Variants in FMN1 observed in about 807,000 individuals in gnomAD.
FMN1 encodes formin-1.
In FMN1, 110 loss-of-function variants were observed where a neutral mutation model predicts 132.4. The ratio of observed to expected loss-of-function variants is 0.83; its 90% CI spans 0.71 to 0.97. The LOEUF (loss-of-function observed/expected upper bound fraction) is 0.97. Ranked by LOEUF, FMN1 falls within the 50% of genes least tolerant of loss-of-function variation. FMN1 has a pLI of 0.00. For missense variants in FMN1, 1,792 were observed against 1,705.3 expected, an observed-to-expected ratio of 1.05 and a Z score of -0.90; for synonymous variants, 722 against 651.7, an observed-to-expected ratio of 1.11 and a Z score of -1.64.
At chr15:32,931,726 C>T (rs1218515190) in intron 9 of FMN1, among the ~76,000 whole-genome samples, 5 of 152,186 alleles carry the variant, frequency 3.3e-5, no homozygotes, top group Non-Finnish European at 7.3e-5. Flanking sequence ...TGACTTTCAG[C>T]ACTATGTTGA....
chr15:33,107,683 G>A (rs376197608), intron 4 of FMN1, among the ~76,000 whole-genome samples: 1 of 152,030 alleles, frequency 6.6e-6, no homozygotes, highest in Non-Finnish European at 1.5e-5. Flanking sequence ...CGAGCAGAAA[G>A]GCTTTCTTGT....
chr15:33,106,059 G>C (rs1426845345), intron 4 of FMN1: 1 of 152,184 alleles, frequency 6.6e-6, no homozygotes, highest in East Asian at 1.9e-4. Flanking sequence ...AGTACATAAG[G>C]GGAGGCTCTG....
chr15:33,054,876 G>A (rs1310916061), intron 6 of FMN1, among the ~76,000 whole-genome samples: 3 of 152,182 alleles, frequency 2.0e-5, no homozygotes, highest in Non-Finnish European at 4.4e-5. Flanking sequence ...ACAAAGAGCT[G>A]AGAGTAACCA....
intron 16 of FMN1, among the ~76,000 whole-genome samples, chr15:32,878,252 G>A (rs529023993): frequency 2.8e-4 from 43 of 152,318 alleles, no homozygotes; most frequent in African/African-American, 9.6e-4. Context: ...TAGTGGGCAG[G>A]AGGGGTGAGT....
At chr15:32,989,183 A>C (rs1052099385) in intron 7 of FMN1, among the ~76,000 whole-genome samples, 1 of 152,164 alleles carries the variant, frequency 6.6e-6, no homozygotes, top group Non-Finnish European at 1.5e-5. Flanking sequence ...TTATAGACTA[A>C]TGCATTACTG....
rs1364475081 is a variant in FMN1 at position 33,021,462 on chromosome 15, C to CAG, written c.2162-13389_2162-13388dup. 5.2e-3 allele frequency among the ~76,000 whole-genome samples: 796 copies of CAG among 152,058 alleles called. 14 individuals are homozygous for CAG. Among genetic ancestry groups the CAG allele is most frequent in the Admixed American group, 0.03 (461 of 15,280 alleles). On this transcript the variant is annotated intron_variant, in intron 6 of 20. Transcript: ENST00000616417. ...CTCTATGCATACACACACACACACA[C>CAG]AGAGAAAAAGGTTTAAGGAAAGAGG...
At chr15:32,847,283 TG>T (rs2058879887) in intron 17 of FMN1, among the ~76,000 whole-genome samples, 1 of 93,992 alleles carries the variant, frequency 1.1e-5, no homozygotes, top group Non-Finnish European at 2.4e-5. Context: ...GGTGTGTGTG[TG>T]TGTATGTGTG....
chr15:32,785,218 A>ATATATAT (rs1444523400), intron 19 of FMN1, among the ~76,000 whole-genome samples: 7 of 39,208 alleles, frequency 1.8e-4, no homozygotes, highest in Middle Eastern at 0.021. Flanking sequence ...ATATATATAT[A>ATATATAT]TTTTTTTTTT....
At chr15:32,940,316 C>T (rs911431194) in intron 9 of FMN1, among the ~76,000 whole-genome samples, 3 of 152,080 alleles carry the variant, frequency 2.0e-5, no homozygotes, top group African/African-American at 7.2e-5. Flanking sequence ...TGTATCAACG[C>T]TGAAAGGCAG....
chr15:32,999,643 T>C (rs1262463814), intron 7 of FMN1, among the ~76,000 whole-genome samples: 1 of 152,330 alleles, frequency 6.6e-6, no homozygotes, highest in Non-Finnish European at 1.5e-5. Flanking sequence ...GAAATATGCA[T>C]GTGATAAATG....
In FMN1 at chr15:32,812,737, C is replaced by T. The variant is rs559540667; in HGVS notation, c.3929-8405G>A. 3.9e-5 allele frequency among the ~76,000 whole-genome samples: 6 copies of T among 152,298 alleles called. No individual in the cohort carries two copies. In the East Asian group the frequency reaches 1.2e-3, roughly 29 times the overall value. ...AGATTCTCAGCCTGTATCTCTAAAT[C>T]TAGTACGATGATATTCGTAAAATAT... On this transcript the variant is annotated intron_variant, in intron 17 of 20. Transcript: ENST00000616417.
chr15:32,930,733 T>C (rs1330105797), intron 9 of FMN1, among the ~76,000 whole-genome samples: 2 of 151,266 alleles, frequency 1.3e-5, no homozygotes, highest in African/African-American at 4.9e-5. Context: ...GGGGGGGCGG[T>C]CTATGCTTTT....
At chr15:33,178,465 A>G (rs1363346783) in intron 3 of FMN1, among the ~76,000 whole-genome samples, 2 of 152,072 alleles carry the variant, frequency 1.3e-5, no homozygotes, top group African/African-American at 4.8e-5. Context: ...CTGTTTAGCT[A>G]CCTCTGTTAG....
At position 33,153,123 on chromosome 15, in the gene FMN1, C is replaced by T; in HGVS notation, c.1792G>A (p.Val598Met). The change falls in exon 4 of 21, where the codon GTG (valine) becomes ATG (methionine). Residue 598 changes from valine to methionine, a missense_variant. Val to Met is a conservative substitution (Grantham distance 21). Coordinates refer to ENST00000616417, the MANE Select transcript of FMN1 (RefSeq NM_001277313.2). ...AFLRAGQPRLVPGETLEKSLG... is the reference protein window; with the variant it reads ...AFLRAGQPRLMPGETLEKSLG... The stretch of plus-strand genomic sequence containing the variant: ...CTCTTTTCCAAAGTTTCCCCAGGCA[C>T]CAACCGAGGTTGGCCTGCTCTGAGG... 1 of 1,536,096 alleles carries T rather than the reference C, an allele frequency of 6.5e-7. No individual in the cohort carries two copies. Among genetic ancestry groups the T allele is most frequent in the Non-Finnish European group, 8.7e-7 (1 of 1,146,904 alleles).
At chr15:33,054,656 T>C (rs1214843725) in intron 6 of FMN1, among the ~76,000 whole-genome samples, 2 of 152,166 alleles carry the variant, frequency 1.3e-5, no homozygotes, top group Non-Finnish European at 1.5e-5. Flanking sequence ...GAAAGAAAAC[T>C]AAACACTTTG....
At chr15:32,785,194 G>A (rs375110629) in intron 19 of FMN1, among the ~76,000 whole-genome samples, 1,240 of 21,280 alleles carry the variant, frequency 0.058, 44 homozygotes, top group East Asian at 0.081. Flanking sequence ...GTGTGTGTGT[G>A]TGTGTGTATA....
chr15:33,079,758 A>G (rs529133679), intron 5 of FMN1, among the ~76,000 whole-genome samples: 1 of 152,238 alleles, frequency 6.6e-6, no homozygotes, highest in Non-Finnish European at 1.5e-5. Flanking sequence ...CCTTCACATC[A>G]ATTTCCAGAT....
At chr15:33,188,128 T>A (rs1378480936) in intron 2 of FMN1, among the ~76,000 whole-genome samples, 2 of 151,402 alleles carry the variant, frequency 1.3e-5, no homozygotes, top group African/African-American at 2.4e-5. Context: ...AGGTCAGGAG[T>A]TCGAGACCAG....
intron 6 of FMN1, among the ~76,000 whole-genome samples, chr15:33,009,454 TCTCC>T (rs1276508021): frequency 1.3e-5 from 2 of 152,070 alleles, no homozygotes; most frequent in African/African-American, 4.8e-5. Flanking sequence ...CCTACATATC[TCTCC>T]CTATCATTTC....
Sources: gnomAD v4.1 joint callset for allele counts (sites outside exome capture counted in the v4.1 genomes callset) on GRCh38, gnomAD v4.1.1 for gene constraint, MANE v1.5 for transcripts, NCBI Gene and HGNC (gene_info 2026-07-23, HGNC 2026-07-21) for gene names.